EML1: variants seen among roughly 807,000 people sequenced by gnomAD.
EML1 encodes the protein EMAP like 1, also known as echinoderm microtubule-associated protein-like 1.
EML1 carries 27 observed loss-of-function variants against 110.4 expected under a neutral mutation model. The ratio of observed to expected loss-of-function variants is 0.24; its 90% confidence interval spans 0.18 to 0.34. The LOEUF is 0.34. EML1 is among the 10% of genes least tolerant of loss of function. The probability of loss-of-function intolerance (pLI) is 1.00; values close to 1 mark genes in which losing one functional copy is unlikely to be tolerated. For synonymous variants in EML1, 344 were observed against 385.8 expected, an observed-to-expected ratio of 0.89 and a Z score of 1.27; for missense variants, 741 against 1,030.9, an observed-to-expected ratio of 0.72 and a Z score of 3.85.
At chr14:99,881,140 C>A (rs905644596) in intron 4 of EML1, among the ~76,000 whole-genome samples, 1 of 152,194 alleles carries the variant, frequency 6.6e-6, no homozygotes, top group East Asian at 1.9e-4. Context: ...CCAGCCTGCC[C>A]GCTGTTCCAG....
upstream of EML1, among the ~76,000 whole-genome samples, chr14:99,772,300 G>A (rs1446113049): frequency 2.6e-5 from 4 of 152,270 alleles, no homozygotes; most frequent in African/African-American, 9.6e-5. Flanking sequence ...GCCAGCCAGA[G>A]AGCAGGGCAG....
rs575966823 is a variant in EML1, at chr14:99,737,929, G to T, written c.28+69G>T. On this transcript the variant is annotated intron_variant, in intron 1 of 10. Coordinates refer to the EML1 transcript ENST00000554479. ...GAGCCAAGGCCGCCAGTCGCCGAGG[G>T]CACTGGGGCCCCCGCAGGCTGCAGG... The T allele has an allele frequency of 3.8e-4, 479 of 1,273,040 alleles. 2 individuals are homozygous for T. The highest frequency in any genetic ancestry group is 2.2e-3 in the South Asian group (177 of 79,554). The allele number at this position is 1,273,040 out of a possible 1,614,324, so 78.9% of individuals were successfully genotyped here.
At chr14:99,880,495 G>A (rs182144656) in intron 4 of EML1, among the ~76,000 whole-genome samples, 4 of 152,172 alleles carry the variant, frequency 2.6e-5, no homozygotes, top group Non-Finnish European at 4.4e-5. Context: ...TGCCACCCTC[G>A]AGGATGGGAC....
intron 17 of EML1, among the ~76,000 whole-genome samples, chr14:99,928,209 A>AGG (rs1566943417): frequency 0.031 from 39 of 1,264 alleles, 16 homozygotes; most frequent in African/African-American, 0.07. Context: ...GGTGGTGGTG[A>AGG]TGGTGATGGT....
At chr14:99,753,994 C>G (rs915726484) in intron 1 of EML1, among the ~76,000 whole-genome samples, 3 of 152,210 alleles carry the variant, frequency 2.0e-5, no homozygotes, top group Admixed American at 2.0e-4. Flanking sequence ...AAGGGCCCCC[C>G]ACCCCAGGTC....
intron 1 of EML1, chr14:99,737,971 C>A: frequency 8.9e-7 from 1 of 1,118,214 alleles, no homozygotes. Context: ...TGAGCTGGAC[C>A]CCCTTCCTCC....
intron 1 of EML1, among the ~76,000 whole-genome samples, chr14:99,823,699 G>A (rs2058302722): frequency 6.6e-6 from 1 of 152,038 alleles, no homozygotes; most frequent in Non-Finnish European, 1.5e-5. Context: ...ACATTCTAGT[G>A]GGAGAGGGAC....
chr14:99,907,828 A>G, intron 10 of EML1, 95 bp downstream of exon 10: 1 of 1,141,272 alleles, frequency 8.8e-7, no homozygotes. Context: ...GCTCATTCCC[A>G]CCCCAGCCCT....
At chr14:99,822,886 G>A (rs1469997606) in intron 1 of EML1, among the ~76,000 whole-genome samples, 2 of 152,122 alleles carry the variant, frequency 1.3e-5, no homozygotes, top group African/African-American at 4.8e-5. Context: ...CTGCTGAAGC[G>A]TCTCTCCAGT....
upstream of EML1, among the ~76,000 whole-genome samples, chr14:99,772,750 A>T (rs544967744): frequency 3.3e-5 from 5 of 152,260 alleles, no homozygotes; most frequent in Non-Finnish European, 5.9e-5. Flanking sequence ...TATAATTCTC[A>T]TATTTTCTGC....
At chr14:99,832,815 A>T (rs1014623628) in intron 1 of EML1, among the ~76,000 whole-genome samples, 54 of 152,314 alleles carry the variant, frequency 3.5e-4, no homozygotes, top group South Asian at 2.5e-3. Flanking sequence ...TCTGTGGCTT[A>T]TCTTTTCACT....
chr14:99,881,792 G>A (rs183860885), intron 4 of EML1, among the ~76,000 whole-genome samples: 7 of 151,964 alleles, frequency 4.6e-5, no homozygotes, highest in Admixed American at 1.3e-4. Context: ...GTAGAGACGG[G>A]GTTTCACCAC....
intron 2 of EML1, among the ~76,000 whole-genome samples, chr14:99,859,487 G>C (rs746801061): frequency 1.3e-5 from 2 of 152,156 alleles, no homozygotes; most frequent in Admixed American, 1.3e-4. Flanking sequence ...TTTCAGAGTG[G>C]GAAGATACCT....
chr14:99,892,176 C>G, intron 5 of EML1: 3 of 985,414 alleles, frequency 3.0e-6, no homozygotes, highest in Non-Finnish European at 3.6e-6. Flanking sequence ...AAGGGAAACG[C>G]CGGGTGACAC....
chr14:99,816,043 T>C (rs965097822), intron 1 of EML1, among the ~76,000 whole-genome samples: 2 of 152,244 alleles, frequency 1.3e-5, no homozygotes, highest in African/African-American at 4.8e-5. Flanking sequence ...CTTTCATCAA[T>C]GGAATCCTTC....
chr14:99,794,887 C>T (rs1211990937), intron 1 of EML1, among the ~76,000 whole-genome samples: 1 of 152,114 alleles, frequency 6.6e-6, no homozygotes, highest in Non-Finnish European at 1.5e-5. Context: ...GTCATGGGAA[C>T]GGTTTTGCTC....
chr14:99,756,284 C>A (rs1826875814), intron 1 of EML1, among the ~76,000 whole-genome samples: 1 of 152,228 alleles, frequency 6.6e-6, no homozygotes, highest in South Asian at 2.1e-4. Flanking sequence ...GTGGTGGGGG[C>A]AGGGTCAGGC....
chr14:99,857,108 C>T lies in EML1; in HGVS notation c.250+6073C>T, dbSNP rs186491458. On this transcript the variant is annotated intron_variant, in intron 2 of 21. Coordinates refer to ENST00000262233, the MANE Select transcript of EML1 (RefSeq NM_004434.3). ...GCAACATGGTGAAACCCCACCTCTA[C>T]AAAAAATACCGAAATTAGCCTTGTG... Among the ~76,000 whole-genome samples, 1,361 of 152,064 alleles carry T rather than the reference C, an allele frequency of 9.0e-3. 13 individuals are homozygous for T. Among genetic ancestry groups the T allele is most frequent in the Non-Finnish European group, 0.015 (1,023 of 67,952 alleles).
Position 99,897,278 on chromosome 14 carries a change from A to C in EML1, c.811A>C (p.Asn271His), listed in dbSNP as rs1387201740. The C allele has an allele frequency of 2.5e-6, 4 of 1,610,260 alleles. No individual in the cohort carries two copies. Among genetic ancestry groups the C allele is most frequent in the Middle Eastern group, 1.7e-4 (1 of 6,050 alleles). Residue 271 changes from asparagine to histidine, a missense_variant, in exon 7 of 22, where the codon AAC becomes CAC. Asn to His is a moderately conservative substitution (Grantham distance 68, BLOSUM62 1). Transcript: ENST00000262233. ...ACTGCAGAGGCATTACGCTGGCCACAACGATGACGTGAAGTGGTAAGTCCT... is the reference window on the plus strand; with the variant it reads ...ACTGCAGAGGCATTACGCTGGCCACCACGATGACGTGAAGTGGTAAGTCCT... ...EQLQRHYAGH[N>H]DDVKCLAVHP...
Sources: allele counts gnomAD v4.1 joint callset (sites outside exome capture counted in the v4.1 genomes callset), GRCh38; gene constraint gnomAD v4.1.1; transcripts MANE v1.5; gene names NCBI Gene and HGNC (gene_info 2026-07-23, HGNC 2026-07-21).